The following NRXN3 variants were observed in gnomAD, a reference collection of about 807,000 sequenced individuals.
The protein encoded by NRXN3 is neurexin 3, also known as neurexin III.
A neutral mutation model predicts 137.6 loss-of-function variants in NRXN3; 32 were observed. The ratio of observed to expected loss-of-function variants is 0.23; its 90% CI spans 0.18 to 0.31. The LOEUF (loss-of-function observed/expected upper bound fraction) is 0.31, where lower values mean the gene tolerates loss of function less well. Ranked by LOEUF, NRXN3 falls within the 10% of genes least tolerant of loss-of-function variation. NRXN3 has a pLI of 1.00. For synonymous variants in NRXN3, 798 were observed against 784.5 expected (o/e 1.02, Z -0.29); for missense variants, 1,574 against 2,062.5 (o/e 0.76, Z 4.59).
chr14:78,956,378 G>A (rs1034297632), intron 10 of NRXN3, among the ~76,000 whole-genome samples: 4 of 152,006 alleles, frequency 2.6e-5, no homozygotes, highest in African/African-American at 9.7e-5. Context: ...TGTCTCTCTT[G>A]CCATCTTTTT....
At chr14:79,396,385 T>C (rs1599692625) in intron 15 of NRXN3, among the ~76,000 whole-genome samples, 1 of 152,254 alleles carries the variant, frequency 6.6e-6, no homozygotes, top group East Asian at 1.9e-4. Context: ...GAGCCTAAGT[T>C]TGGGGTGGAA....
At chr14:78,641,363 G>A (rs899312359) in intron 4 of NRXN3, among the ~76,000 whole-genome samples, 7 of 152,094 alleles carry the variant, frequency 4.6e-5, no homozygotes, top group African/African-American at 1.7e-4. Flanking sequence ...CTCCTTTCTA[G>A]CCCTTGATTT....
chr14:78,224,750 CT>C (rs35800837), intron 1 of NRXN3, among the ~76,000 whole-genome samples: 1,046 of 64,670 alleles, frequency 0.016, 1 homozygote, highest in African/African-American at 0.06. Context: ...GTGCATGTGT[CT>C]TTTTTTTTTT....
intron 15 of NRXN3, among the ~76,000 whole-genome samples, chr14:78,989,552 T>A (rs574467288): frequency 6.6e-6 from 1 of 152,328 alleles, no homozygotes; most frequent in African/African-American, 2.4e-5. Context: ...ATAAGACTGC[T>A]CTTACCAAGT....
At chr14:79,010,584 G>T (rs1020960871) in intron 15 of NRXN3, among the ~76,000 whole-genome samples, 2 of 152,082 alleles carry the variant, frequency 1.3e-5, no homozygotes, top group African/African-American at 4.8e-5. Context: ...ATTTTGTTCT[G>T]CCTTTATTGA....
At position 78,963,773 on chromosome 14, in the gene NRXN3, T is replaced by C. The variant is rs1168193781; in HGVS notation, c.2396-2252T>C. Reference sequence around the variant, plus strand: ...CATGTAAATCTAATTTTTGTGCTTATAGGGAATATAAGAAATTTTATTTTT... The same window carrying C: ...CATGTAAATCTAATTTTTGTGCTTACAGGGAATATAAGAAATTTTATTTTT... On this transcript the variant is annotated intron_variant, in intron 11 of 20. Coordinates refer to ENST00000335750, the MANE Select transcript of NRXN3 (RefSeq NM_001330195.2). Among the ~76,000 whole-genome samples, 6 of 152,300 alleles carry C rather than the reference T, an allele frequency of 3.9e-5. No homozygotes were observed. The South Asian group carries it at 1.0e-3, about 26-fold the overall frequency.
chr14:79,145,941 T>C (rs568223512), intron 15 of NRXN3, among the ~76,000 whole-genome samples: 138 of 152,234 alleles, frequency 9.1e-4, no homozygotes, highest in African/African-American at 3.2e-3. Context: ...GATAAAGAAA[T>C]TGAGGCACAG....
chr14:78,574,625 A>C (rs2096919393), intron 4 of NRXN3, among the ~76,000 whole-genome samples: 1 of 152,196 alleles, frequency 6.6e-6, no homozygotes, highest in African/African-American at 2.4e-5. Flanking sequence ...TCCCATGTGG[A>C]ATAGGTGTAT....
At chr14:79,757,542 GT>G (rs2099023920) in intron 19 of NRXN3, among the ~76,000 whole-genome samples, 1 of 152,132 alleles carries the variant, frequency 6.6e-6, no homozygotes, top group South Asian at 2.1e-4. Flanking sequence ...TTCTCCTCCT[GT>G]TTTAATCCAA....
At chr14:78,967,962 G>T (rs937398177) in intron 13 of NRXN3, among the ~76,000 whole-genome samples, 4 of 149,616 alleles carry the variant, frequency 2.7e-5, no homozygotes, top group Non-Finnish European at 5.9e-5. Flanking sequence ...TTTTGAGATG[G>T]TATATATAAA....
chr14:79,158,149 T>C (rs1531631), intron 15 of NRXN3, among the ~76,000 whole-genome samples: 39,905 of 151,700 alleles, frequency 0.26, 5,624 homozygotes, highest in Middle Eastern at 0.31. Context: ...TTCTCCTTTA[T>C]GCTAGGTGAC....
chr14:79,171,499 A>G (rs1009655132), intron 15 of NRXN3, among the ~76,000 whole-genome samples: 3 of 152,180 alleles, frequency 2.0e-5, no homozygotes, highest in African/African-American at 7.2e-5. Context: ...CAGTCCCTCC[A>G]TGAACAACAA....
chr14:78,518,882 T>C (rs2096249076), intron 4 of NRXN3, among the ~76,000 whole-genome samples: 1 of 151,952 alleles, frequency 6.6e-6, no homozygotes, highest in Non-Finnish European at 1.5e-5. Context: ...GGTTGTCCCA[T>C]TTGATCACTG....
At chr14:79,723,551 C>T (rs925245867) in intron 19 of NRXN3, among the ~76,000 whole-genome samples, 2 of 152,018 alleles carry the variant, frequency 1.3e-5, no homozygotes, top group African/African-American at 4.8e-5. Flanking sequence ...TGCCTCCTTC[C>T]CCTTTGTTTT....
chr14:78,504,521 T>C (rs763471246), intron 4 of NRXN3, among the ~76,000 whole-genome samples: 2 of 152,178 alleles, frequency 1.3e-5, no homozygotes. Context: ...GATAATGGTG[T>C]GTATGCTGTG....
intron 15 of NRXN3, among the ~76,000 whole-genome samples, chr14:79,363,126 G>A (rs2093746865): frequency 6.6e-6 from 1 of 151,728 alleles, no homozygotes; most frequent in African/African-American, 2.4e-5. Flanking sequence ...CCAGCCTCCT[G>A]AGTAGCTGGA....
chr14:79,340,021 T>C (rs572344351), intron 15 of NRXN3, among the ~76,000 whole-genome samples: 1 of 152,158 alleles, frequency 6.6e-6, no homozygotes, highest in Non-Finnish European at 1.5e-5. Flanking sequence ...CTATGTCCTG[T>C]TTTGAGAGAA....
chr14:78,903,846 A>G (rs1597204216), intron 10 of NRXN3, among the ~76,000 whole-genome samples: 3 of 151,516 alleles, frequency 2.0e-5, no homozygotes, highest in Admixed American at 1.3e-4. Context: ...TATGCAATGA[A>G]GTGCGTTTCT....
intron 20 of NRXN3, chr14:79,860,890 C>T (rs1242579491): frequency 2.0e-6 from 1 of 502,546 alleles, no homozygotes; most frequent in Non-Finnish European, 3.2e-6. Context: ...ACAGAAGGCT[C>T]CAAATCTGCC....
Sources: allele counts gnomAD v4.1 joint callset (sites outside exome capture counted in the v4.1 genomes callset), GRCh38; gene constraint gnomAD v4.1.1; transcripts MANE v1.5; gene names NCBI Gene and HGNC (gene_info 2026-07-23, HGNC 2026-07-21).